MAN1C1: variants seen among roughly 807,000 people sequenced by gnomAD.
MAN1C1 encodes the protein mannosyl-oligosaccharide 1,2-alpha-mannosidase IC.
MAN1C1 carries 49 observed loss-of-function variants against 71.5 expected under a neutral mutation model. The ratio of observed to expected loss-of-function variants is 0.69; its 90% CI spans 0.54 to 0.87. The LOEUF is 0.87. Ranked by LOEUF, MAN1C1 falls within the 40% of genes least tolerant of loss-of-function variation. MAN1C1 has a pLI of 0.00. For missense variants in MAN1C1, 743 were observed against 835.0 expected, an observed-to-expected ratio of 0.89 and a Z score of 1.36; for synonymous variants, 352 against 343.7, an observed-to-expected ratio of 1.02 and a Z score of -0.27.
At chr1:25,697,348 A>G (rs2046382821) in intron 2 of MAN1C1, among the ~76,000 whole-genome samples, 1 of 152,216 alleles carries the variant, frequency 6.6e-6, no homozygotes, top group African/African-American at 2.4e-5. Context: ...GTTCATCCAC[A>G]TTGTAGCATG....
At chr1:25,663,070 A>G (rs889047853) in intron 1 of MAN1C1, among the ~76,000 whole-genome samples, 3 of 150,574 alleles carry the variant, frequency 2.0e-5, no homozygotes, top group Admixed American at 1.3e-4. Flanking sequence ...CAGCCTGGTC[A>G]ATAGAGTGAG....
chr1:25,744,250 CGA>C (rs1406840936), intron 2 of MAN1C1, among the ~76,000 whole-genome samples: 2 of 152,110 alleles, frequency 1.3e-5, no homozygotes, highest in African/African-American at 4.8e-5. Flanking sequence ...TTGAGCACCT[CGA>C]GAGGGTGAAT....
chr1:25,670,342 T>G (rs1161649063), intron 1 of MAN1C1, among the ~76,000 whole-genome samples: 3 of 152,250 alleles, frequency 2.0e-5, no homozygotes, highest in Non-Finnish European at 4.4e-5. Context: ...ATTGGTATTT[T>G]CTTTGTTTTC....
chr1:25,720,085 C>T (rs1418859052), intron 2 of MAN1C1, among the ~76,000 whole-genome samples: 2 of 152,084 alleles, frequency 1.3e-5, no homozygotes. Flanking sequence ...TGCCTGGCCT[C>T]GTAGTGGTTT....
intron 6 of MAN1C1, chr1:25,760,816 C>G (rs2047350505): frequency 6.6e-6 from 1 of 152,232 alleles, no homozygotes; most frequent in Middle Eastern, 3.2e-3. Flanking sequence ...CTAGGACGTG[C>G]TGAGTAGGAT....
chr1:25,699,800 G>A (rs1407704079), intron 2 of MAN1C1, among the ~76,000 whole-genome samples: 2 of 152,212 alleles, frequency 1.3e-5, no homozygotes, highest in Non-Finnish European at 2.9e-5. Flanking sequence ...GTGGCCCCAT[G>A]CCGGCCCCAC....
At chr1:25,668,298 G>A (rs1325001511) in intron 1 of MAN1C1, among the ~76,000 whole-genome samples, 4 of 150,162 alleles carry the variant, frequency 2.7e-5, no homozygotes, top group South Asian at 2.1e-4. Flanking sequence ...TTTCCTTCAC[G>A]GTGCTTGTCA....
rs2047661800 is a variant in MAN1C1 at position 25,779,280 on chromosome 1, G to A, written c.1477+956G>A. ...ATGGGCAGCCTCTGTTTTCTTATCT[G>A]TTCGATGGGAATCATGACACAGGTC... On this transcript the variant is annotated intron_variant, in intron 9 of 11. Coordinates refer to ENST00000374332, the MANE Select transcript of MAN1C1 (RefSeq NM_020379.4). This position sits in a 1 kb window ranked among gnomAD's most constrained non-coding sequence, Gnocchi z 4.6. Among the ~76,000 whole-genome samples, 1 of 151,778 alleles carries A rather than the reference G, an allele frequency of 6.6e-6. No homozygotes were observed. The highest frequency in any genetic ancestry group is 1.5e-5 in the Non-Finnish European group (1 of 67,916).
intron 7 of MAN1C1, among the ~76,000 whole-genome samples, chr1:25,768,400 AC>A (rs796678457): frequency 8.7e-5 from 9 of 103,422 alleles, no homozygotes; most frequent in African/African-American, 3.0e-4. Context: ...ACATACATCC[AC>A]ACTCCCCTCA....
intron 2 of MAN1C1, chr1:25,709,691 C>T (rs2046576776): frequency 6.6e-6 from 1 of 152,124 alleles, no homozygotes. Context: ...GTCTTCGTAA[C>T]GTTAGCCTTT....
chr1:25,783,943 AG>A lies in MAN1C1; in HGVS notation c.*155del. ...AAGCAACTTCTTTTCCTCTGTGAGG[AG>A]ACAAGACTTGGAGACTCAGCGATGT... is the stretch of plus-strand genomic sequence containing the variant. On this transcript the variant is annotated 3_prime_UTR_variant, in exon 12 of 12. Coordinates refer to ENST00000374332, the MANE Select transcript of MAN1C1 (RefSeq NM_020379.4). 1 of 1,028,428 alleles carries A rather than the reference AG, an allele frequency of 9.7e-7. No individual in the cohort carries two copies. The highest frequency in any genetic ancestry group is 1.4e-6 in the Non-Finnish European group (1 of 725,364). The allele number at this position is 1,028,428 out of a possible 1,614,324, so 63.7% of individuals were successfully genotyped here.
intron 2 of MAN1C1, among the ~76,000 whole-genome samples, chr1:25,703,597 C>T (rs1217163165): frequency 6.6e-6 from 1 of 152,098 alleles, no homozygotes; most frequent in Non-Finnish European, 1.5e-5. Flanking sequence ...AAGAGAATTG[C>T]TTGAACTTAG....
In MAN1C1 at chr1:25,779,200, C is replaced by CCCAGGCTCAAGCAGCGCTTGACAAAA. The variant is rs2047660940; in HGVS notation, c.1477+876_1477+877insCCAGGCTCAAGCAGCGCTTGACAAAA. On this transcript the variant is annotated intron_variant, in intron 9 of 11. Transcript: ENST00000374332. This position sits in a 1 kb window ranked among gnomAD's most constrained non-coding sequence, Gnocchi z 4.6. ...GCTCAAGCAGCGCTTGACAAAATGA[C>CCCAGGCTCAAGCAGCGCTTGACAAAA]TGTTTTCTGATGGCCAGGAGCCGCT... Among the ~76,000 whole-genome samples, 2 of 152,212 alleles carry CCCAGGCTCAAGCAGCGCTTGACAAAA rather than the reference C, an allele frequency of 1.3e-5. No homozygotes were observed. Among genetic ancestry groups the CCCAGGCTCAAGCAGCGCTTGACAAAA allele is most frequent in the Admixed American group, 6.5e-5 (1 of 15,282 alleles).
At position 25,764,511 on chromosome 1, in the gene MAN1C1, CAA is replaced by C. The variant is rs2047402802; in HGVS notation, c.1141+545_1141+546del. ...CACTGCAACCTCTGCCTCCCAGGTT[CAA>C]GTGATTCTCCTGACTCAGCCACCCG... is the stretch of plus-strand genomic sequence containing the variant. On this transcript the variant is annotated intron_variant, in intron 7 of 11. Coordinates refer to ENST00000374332, the MANE Select transcript of MAN1C1 (RefSeq NM_020379.4). The surrounding 1 kb of genome is among the most constrained non-coding windows in gnomAD (Gnocchi z 4.4). 6.6e-6 allele frequency among the ~76,000 whole-genome samples: 1 copy of C among 152,010 alleles called. No homozygotes were observed. The highest frequency in any genetic ancestry group is 6.5e-5 in the Admixed American group (1 of 15,276).
intron 2 of MAN1C1, among the ~76,000 whole-genome samples, chr1:25,733,660 C>T (rs2046940527): frequency 6.6e-6 from 1 of 151,978 alleles, no homozygotes; most frequent in Non-Finnish European, 1.5e-5. Context: ...CCAGGCACAC[C>T]CCGAGTACCC....
intron 5 of MAN1C1, among the ~76,000 whole-genome samples, chr1:25,756,600 A>T (rs2047289199): frequency 1.3e-5 from 2 of 152,274 alleles, no homozygotes; most frequent in African/African-American, 4.8e-5. Flanking sequence ...GAGAAGTCTC[A>T]GTTAGCCTTG....
chr1:25,749,029 A>G (rs543445547), intron 3 of MAN1C1, among the ~76,000 whole-genome samples: 2 of 152,366 alleles, frequency 1.3e-5, no homozygotes, highest in Admixed American at 6.5e-5. Flanking sequence ...GGGCTGGGGA[A>G]GGAAGCCAAG....
At chr1:25,693,050 G>A (rs1052324830) in intron 2 of MAN1C1, among the ~76,000 whole-genome samples, 2 of 152,150 alleles carry the variant, frequency 1.3e-5, no homozygotes, top group South Asian at 4.1e-4. Flanking sequence ...TGACTTCCCA[G>A]AAACTTAACT....
chr1:25,755,067 G>T (rs1355018666), intron 5 of MAN1C1, among the ~76,000 whole-genome samples: 2 of 152,194 alleles, frequency 1.3e-5, no homozygotes, highest in Non-Finnish European at 1.5e-5. Flanking sequence ...CCCCGGCAGG[G>T]CTCGCTGTGG....
Sources: gnomAD v4.1 joint callset for allele counts (sites outside exome capture counted in the v4.1 genomes callset) on GRCh38, gnomAD v4.1.1 for gene constraint, Gnocchi (gnomAD v3.1) non-coding constraint, MANE v1.5 for transcripts, NCBI Gene and HGNC (gene_info 2026-07-23, HGNC 2026-07-21) for gene names.